USP6: variants seen among roughly 807,000 people sequenced by gnomAD.
USP6 encodes ubiquitin carboxyl-terminal hydrolase 6.
USP6 carries 128 observed loss-of-function variants against 175.7 expected under a neutral mutation model. The observed-to-expected ratio is 0.73, with a 90% CI of 0.63 to 0.84. The LOEUF (loss-of-function observed/expected upper bound fraction) is 0.84, where lower values mean the gene tolerates loss of function less well. Ranked by LOEUF, USP6 falls within the 40% of genes least tolerant of loss-of-function variation. The pLI is 0.00. For missense variants in USP6, 1,498 were observed against 1,760.3 expected, an observed-to-expected ratio of 0.85 and a Z score of 2.67; for synonymous variants, 562 against 630.6, an observed-to-expected ratio of 0.89 and a Z score of 1.63.
chr17:5,152,717 G>T (rs764557949), intron 30 of USP6, among the ~76,000 whole-genome samples: 1 of 152,064 alleles, frequency 6.6e-6, no homozygotes, highest in Non-Finnish European at 1.5e-5. Context: ...AAGAATTAGG[G>T]TAGGCACAGT....
chr17:5,140,073 G>A (rs769702865), intron 22 of USP6, among the ~76,000 whole-genome samples: 20 of 150,782 alleles, frequency 1.3e-4, no homozygotes, highest in Non-Finnish European at 1.6e-4. Context: ...CCAGCCCCAC[G>A]ACCAGCGTTC....
At chr17:5,161,021 T>TA (rs201276545) in intron 31 of USP6, among the ~76,000 whole-genome samples, 2 of 152,046 alleles carry the variant, frequency 1.3e-5, no homozygotes, top group Non-Finnish European at 2.9e-5. Context: ...TAAAGTATAA[T>TA]AAAAAAAAGA....
At chr17:5,127,823 C>T (rs1406170050) in intron 7 of USP6, among the ~76,000 whole-genome samples, 184 bp downstream of exon 7, 1 of 152,204 alleles carries the variant, frequency 6.6e-6, no homozygotes, top group African/African-American at 2.4e-5. Context: ...TAATACAATG[C>T]AGATGCTATA....
rs778859715 is a variant in USP6, at chr17:5,135,876, C to A, written c.612C>A (p.Asp204Glu). ...ALFLLYLPEE[D>E]AFWALVQLLA... ...TCCTCCTTTATCTGCCTGAGGAGGA[C>A]GCATTCTGGGCACTGGTGCAGCTGC... The change falls in exon 17 of 38, where the codon GAC becomes GAA. Residue 204 changes from aspartate to glutamate, a missense_variant. Around this residue, in one of 2 missense-constraint regions of USP6, gnomAD observed 1,217 missense variants for 1,500.8 expected, o/e 0.81. Transcript: ENST00000574788. The A allele has an allele frequency of 3.1e-6, 5 of 1,599,452 alleles. No individual in the cohort carries two copies. In the South Asian group the frequency reaches 5.5e-5, roughly 18 times the overall value.
intron 25 of USP6, among the ~76,000 whole-genome samples, chr17:5,144,351 G>A (rs1480400010): frequency 1.3e-5 from 2 of 152,076 alleles, no homozygotes; most frequent in African/African-American, 4.8e-5. Context: ...ATATAAAAAT[G>A]TGTAAAACAT....
intron 31 of USP6, among the ~76,000 whole-genome samples, chr17:5,157,852 A>G (rs1215160898): frequency 6.6e-6 from 1 of 151,792 alleles, no homozygotes; most frequent in East Asian, 1.9e-4. Context: ...GATGGTTTCG[A>G]TCTCCTGACC....
chr17:5,124,426 C>T (rs2072824721), intron 4 of USP6, 140 bp from the exon 5 acceptor site: 1 of 152,296 alleles, frequency 6.6e-6, no homozygotes, highest in South Asian at 2.1e-4. Flanking sequence ...ATGGCAGCTG[C>T]TTGGACAGGT....
chr17:5,138,251 G>A lies in USP6; in HGVS notation c.1056G>A (p.Lys352=), dbSNP rs753908235. The A allele has an allele frequency of 5.2e-5, 84 of 1,613,764 alleles. No individual in the cohort carries two copies. Among genetic ancestry groups the A allele is most frequent in the Non-Finnish European group, 1.2e-5 (14 of 1,179,988 alleles). ...CCTCTACGAAGAAACTAACAAGGAA[G>A]CAAGGGGACCTGCCACCCCCAGGTG... ...LRASTKKLTR[K]QGDLPPPAKR... is the part of the protein sequence containing the mutation. The change falls in exon 21 of 38, where the codon AAG becomes AAA. Residue 352 remains lysine (K), a synonymous_variant. Coordinates refer to ENST00000574788, the MANE Select transcript of USP6 (RefSeq NM_001304284.2).
chr17:5,130,558 C>T (rs746814787), intron 10 of USP6, 44 bp from the exon 11 acceptor site: 1 of 1,612,226 alleles, frequency 6.2e-7, no homozygotes, highest in Non-Finnish European at 8.5e-7. Context: ...GGCCCTTGCA[C>T]CCTTTACCTT....
rs979463245 is a variant in USP6, at chr17:5,127,625, G to A, written c.-352G>A. ...TCCTGAACTGGGCCCTTCCTCCAGT[G>A]AGAAGCCTTCCTGAGTGAGTTTATA... On this transcript the variant is annotated 5_prime_UTR_variant, in exon 7 of 38. Coordinates refer to ENST00000574788, the MANE Select transcript of USP6 (RefSeq NM_001304284.2). 1 of 152,242 alleles carries A rather than the reference G, an allele frequency of 6.6e-6. No homozygotes were observed. Among genetic ancestry groups the A allele is most frequent in the African/African-American group, 2.4e-5 (1 of 41,458 alleles). 9.4% of individuals were successfully genotyped at this position (152,242 alleles called of 1,614,324 possible).
chr17:5,148,268 T>G lies in USP6; in HGVS notation c.2432-288T>G, dbSNP rs548287876. Among the ~76,000 whole-genome samples, 229 of 152,350 alleles carry G rather than the reference T, an allele frequency of 1.5e-3. 1 individual carries two copies. The highest frequency in any genetic ancestry group is 5.1e-3 in the African/African-American group (211 of 41,572). ...AACAGAAGGAAAAGAAAACAAGTGG[T>G]AGAACTGTTTGTGTGCTACAACATG... On this transcript the variant is annotated intron_variant, in intron 29 of 37. Coordinates refer to ENST00000574788, the MANE Select transcript of USP6 (RefSeq NM_001304284.2).
intron 11 of USP6, 50 bp downstream of exon 11, chr17:5,130,734 C>T (rs374975368): frequency 4.4e-6 from 7 of 1,605,456 alleles, no homozygotes; most frequent in Non-Finnish European, 6.0e-6. Context: ...TGTCTCAGCT[C>T]AGGGATGGGT....
intron 4 of USP6, among the ~76,000 whole-genome samples, chr17:5,123,403 C>T (rs1474133341): frequency 1.2e-4 from 18 of 151,266 alleles, no homozygotes; most frequent in Admixed American, 6.6e-5. Flanking sequence ...CGTGGCGTGG[C>T]GCGGCGGGGC....
At position 5,138,160 on chromosome 17, in the gene USP6, G is replaced by C; in HGVS notation, c.965G>C (p.Arg322Pro). 1 of 1,614,086 alleles carries C rather than the reference G, an allele frequency of 6.2e-7. No homozygotes were observed. The highest frequency in any genetic ancestry group is 8.5e-7 in the Non-Finnish European group (1 of 1,179,984). The change falls in exon 21 of 38, where the codon CGT becomes CCT. Residue 322 changes from arginine to proline, a missense_variant. By Grantham distance (103) the Arg-to-Pro change is moderately radical (BLOSUM62 -2). Transcript: ENST00000574788. ...MKTSRCGLWA[R>P]LRNQFFDTWA... Reference sequence around the variant, plus strand: ...ACATCCAGGTGTGGCCTGTGGGCACGTCTGCGGAACCAATTCTTCGATACC... The same window carrying C: ...ACATCCAGGTGTGGCCTGTGGGCACCTCTGCGGAACCAATTCTTCGATACC...
At position 5,174,734 on chromosome 17, in the gene USP6, ATTTT is replaced by A. The variant is rs532722901; in HGVS notation, c.*1760_*1763del. On this transcript the variant is annotated 3_prime_UTR_variant, in exon 38 of 38. Transcript: ENST00000574788. ...ATTTGTGTTATACTGGTTGTAATTA[ATTTT>A]TTTAATTCATGAACTAGCGGAAAAT... is the stretch of plus-strand genomic sequence containing the variant. The A allele has an allele frequency of 5.0e-6, 1 of 201,200 alleles. No individual in the cohort carries two copies. Among genetic ancestry groups the A allele is most frequent in the Non-Finnish European group, 1.0e-5 (1 of 97,498 alleles). 12.5% of individuals were successfully genotyped at this position (201,200 alleles called of 1,614,324 possible).
rs1184377013 is a variant in USP6 at position 5,167,929 on chromosome 17, C to T, written c.3037-3C>T. On this transcript the variant is annotated splice_polypyrimidine_tract_variant and splice_region_variant and intron_variant, in intron 33 of 37. Transcript: ENST00000574788. ...CCTTTCCTCCTGTTCCCTCTACCTA[C>T]AGGTTGTAGATAAGCATGAGAGTGT... 2 of 1,609,698 alleles carry T rather than the reference C, an allele frequency of 1.2e-6. No individual in the cohort carries two copies. Among genetic ancestry groups the T allele is most frequent in the South Asian group, 1.1e-5 (1 of 90,840 alleles).
chr17:5,150,923 A>G (rs1237654818), intron 30 of USP6, among the ~76,000 whole-genome samples: 1 of 152,142 alleles, frequency 6.6e-6, no homozygotes, highest in Non-Finnish European at 1.5e-5. Context: ...GGCTCCAGGC[A>G]TTCTTTGGCT....
In USP6 at chr17:5,139,395, T is replaced by A. The variant is rs2073371576; in HGVS notation, c.1219T>A (p.Trp407Arg). 3 of 1,613,326 alleles carry A rather than the reference T, an allele frequency of 1.9e-6. No homozygotes were observed. In the African/African-American group the frequency reaches 4.0e-5, roughly 22 times the overall value. The change falls in exon 22 of 38, where the codon TGG (tryptophan) becomes AGG (arginine). Residue 407 changes from tryptophan (W) to arginine (R), a missense_variant. Around this residue, in one of 2 missense-constraint regions of USP6, gnomAD observed 1,217 missense variants for 1,500.8 expected, o/e 0.81. Transcript: ENST00000574788. Reference protein sequence around the residue: ...QRPICSASPPWASRFSTPCPG... With the variant: ...QRPICSASPPRASRFSTPCPG... ...GCCCATTTGCTCAGCTTCCCCGCCA[T>A]GGGCATCTCGTTTTTCCACGCCCTG...
chr17:5,138,843 G>A, intron 21 of USP6: 2 of 545,852 alleles, frequency 3.7e-6, no homozygotes, highest in South Asian at 3.6e-5. Flanking sequence ...AGCCCAGGGG[G>A]GCAGAGGGTG....
Sources: gnomAD v4.1 joint callset for allele counts (sites outside exome capture counted in the v4.1 genomes callset) on GRCh38, gnomAD v4.1.1 for gene constraint, gnomAD v4.1.1 regional missense constraint, MANE v1.5 for transcripts, NCBI Gene and HGNC (gene_info 2026-07-23, HGNC 2026-07-21) for gene names.